SGCE: variants seen among roughly 807,000 people sequenced by gnomAD.
The protein encoded by SGCE is epsilon-sarcoglycan.
Under a neutral mutation model 57.8 loss-of-function variants are expected in SGCE, and 26 were observed. The observed-to-expected ratio is 0.45, with a 90% CI of 0.33 to 0.62. SGCE has a LOEUF of 0.62. SGCE is among the 20% of genes least tolerant of loss of function. The pLI is 0.02. For missense variants in SGCE, 468 were observed against 548.6 expected (o/e 0.85, Z 1.47); for synonymous variants, 183 against 189.5 (o/e 0.97, Z 0.28).
At chr7:94,616,814 T>G (rs1801999355) in intron 5 of SGCE, 1 of 152,200 alleles carries the variant, frequency 6.6e-6, no homozygotes, top group African/African-American at 2.4e-5. Flanking sequence ...ACAGACACAC[T>G]GGAGTAATAG....
chr7:94,588,134 TGAAA>T, intron 10 of SGCE: 1 of 1,146,912 alleles, frequency 8.7e-7, no homozygotes, highest in South Asian at 3.3e-5. Flanking sequence ...TAGGGACACT[TGAAA>T]GAAATAAAGA....
chr7:94,645,394 T>C (rs1193833412), intron 1 of SGCE, among the ~76,000 whole-genome samples: 1 of 152,102 alleles, frequency 6.6e-6, no homozygotes, highest in Non-Finnish European at 1.5e-5. Flanking sequence ...AAACAATTTG[T>C]TGAAAGAAGA....
intron 1 of SGCE, chr7:94,644,519 A>G: frequency 4.3e-6 from 2 of 467,482 alleles, no homozygotes; most frequent in Non-Finnish European, 7.3e-6. Flanking sequence ...AGGAAGGGAA[A>G]TAATAAATAA....
chr7:94,638,277 T>G (rs1292064437), intron 1 of SGCE, among the ~76,000 whole-genome samples: 1 of 152,192 alleles, frequency 6.6e-6, no homozygotes, highest in Non-Finnish European at 1.5e-5. Flanking sequence ...TATTTGTAGG[T>G]TTGTTTCAAA....
At chr7:94,600,923 T>C in intron 6 of SGCE, 66 bp from the exon 7 acceptor site, 1 of 1,280,332 alleles carries the variant, frequency 7.8e-7, no homozygotes, top group Non-Finnish European at 1.1e-6. Flanking sequence ...TTTTAAGATC[T>C]GGATACACTA....
intron 9 of SGCE, among the ~76,000 whole-genome samples, chr7:94,591,156 A>G (rs1797626297): frequency 6.6e-6 from 1 of 152,170 alleles, no homozygotes; most frequent in Admixed American, 6.6e-5. Context: ...ATGTATTTAT[A>G]TTGGTTTTGG....
chr7:94,625,626 C>T (rs1803590067), intron 3 of SGCE: 1 of 152,064 alleles, frequency 6.6e-6, no homozygotes, highest in African/African-American at 2.4e-5. Context: ...TTTTTGAGCT[C>T]TACCAAAATG....
intron 10 of SGCE, chr7:94,587,864 C>A (rs977108005): frequency 4.6e-6 from 7 of 1,524,018 alleles, no homozygotes; most frequent in Non-Finnish European, 6.2e-6. Context: ...ATGAAAACAT[C>A]CAACACATTT....
chr7:94,650,865 A>G (rs1191936130), intron 1 of SGCE, among the ~76,000 whole-genome samples: 2 of 152,202 alleles, frequency 1.3e-5, no homozygotes, highest in African/African-American at 4.8e-5. Flanking sequence ...TTCTCAAGTT[A>G]AACACTTCCA....
intron 10 of SGCE, 100 bp downstream of exon 10, chr7:94,588,589 T>G: frequency 1.9e-6 from 3 of 1,553,938 alleles, no homozygotes; most frequent in Middle Eastern, 4.5e-4. Flanking sequence ...TTTTGCCTTA[T>G]TTGGTGAAGA....
intron 5 of SGCE, among the ~76,000 whole-genome samples, chr7:94,610,429 T>TAA (rs914950220): frequency 3.3e-5 from 5 of 152,142 alleles, no homozygotes; most frequent in South Asian, 4.1e-4. Context: ...GGGATGTTGA[T>TAA]AATGGGGGAG....
intron 1 of SGCE, among the ~76,000 whole-genome samples, chr7:94,631,497 A>C (rs1235139007): frequency 6.6e-6 from 1 of 151,948 alleles, no homozygotes; most frequent in African/African-American, 2.4e-5. Context: ...GGAGCAATTA[A>C]GGTTGGACAG....
At chr7:94,638,253 T>C (rs1805865368) in intron 1 of SGCE, among the ~76,000 whole-genome samples, 1 of 152,224 alleles carries the variant, frequency 6.6e-6, no homozygotes, top group South Asian at 2.1e-4. Context: ...GAAAATTCCT[T>C]AGAAATACAC....
intron 5 of SGCE, among the ~76,000 whole-genome samples, chr7:94,609,007 T>C (rs1185658823): frequency 6.6e-6 from 1 of 152,202 alleles, no homozygotes; most frequent in East Asian, 1.9e-4. Flanking sequence ...TTGGATTTGA[T>C]GATGATTTTT....
chr7:94,598,673 G>C, intron 9 of SGCE, 102 bp downstream of exon 9: 1 of 872,244 alleles, frequency 1.1e-6, no homozygotes, highest in Admixed American at 1.7e-5. Context: ...TTCTCTTCCA[G>C]TTATAAACAA....
In SGCE at chr7:94,618,755, T is replaced by C. The variant is rs1802317819; in HGVS notation, c.662+3A>G. ...TAAGGCAATGAGATAAAGATCTGCT[T>C]ACCCCTCCTTCAGGTCATTAATGGG... On this transcript the variant is annotated splice_donor_region_variant and intron_variant, in intron 5 of 10. Coordinates refer to ENST00000648936, the MANE Select transcript of SGCE (RefSeq NM_003919.3). 6.2e-7 allele frequency: 1 copy of C among 1,611,374 alleles called. No individual in the cohort carries two copies. Among genetic ancestry groups the C allele is most frequent in the Non-Finnish European group, 8.5e-7 (1 of 1,177,548 alleles).
chr7:94,644,110 C>G (rs1289671096), intron 1 of SGCE, among the ~76,000 whole-genome samples: 2 of 152,194 alleles, frequency 1.3e-5, no homozygotes, highest in Non-Finnish European at 2.9e-5. Flanking sequence ...AACACAAAAA[C>G]AAAACATCAT....
chr7:94,641,829 T>C (rs1458624287), intron 1 of SGCE, among the ~76,000 whole-genome samples: 1 of 152,096 alleles, frequency 6.6e-6, no homozygotes, highest in African/African-American at 2.4e-5. Flanking sequence ...TTTTTAGAGA[T>C]GGGGTCCACT....
At chr7:94,603,518 C>T in intron 5 of SGCE, 66 bp from the exon 6 acceptor site, 1 of 1,473,798 alleles carries the variant, frequency 6.8e-7, no homozygotes, top group Non-Finnish European at 9.4e-7. Flanking sequence ...AACAATCCAC[C>T]TTAAAAGCAG....
Sources: allele counts gnomAD v4.1 joint callset (sites outside exome capture counted in the v4.1 genomes callset), GRCh38; gene constraint gnomAD v4.1.1; transcripts MANE v1.5; gene names NCBI Gene and HGNC (gene_info 2026-07-23, HGNC 2026-07-21).